Variants in TMC2 observed in about 807,000 individuals in gnomAD.
TMC2 encodes transmembrane channel-like protein 2.
A neutral mutation model predicts 105.9 loss-of-function variants in TMC2; 102 were observed. That is an observed-to-expected ratio of 0.96 (90% CI 0.82 to 1.14). The LOEUF is 1.14. Ranked by LOEUF, TMC2 falls within the 50% of genes most tolerant of loss-of-function variation. The probability of loss-of-function intolerance (pLI) is 0.00; values close to 1 mark genes in which losing one functional copy is unlikely to be tolerated. For missense variants in TMC2, 1,093 were observed against 1,134.3 expected, an observed-to-expected ratio of 0.96 and a Z score of 0.52; for synonymous variants, 402 against 422.8, an observed-to-expected ratio of 0.95 and a Z score of 0.60.
intron 2 of TMC2, among the ~76,000 whole-genome samples, chr20:2,554,601 T>A (rs527889483): frequency 6.6e-6 from 1 of 152,252 alleles, no homozygotes; most frequent in Non-Finnish European, 1.5e-5. Context: ...TAAGCACTGC[T>A]TTTGCTGCAT....
chr20:2,610,405 T>C lies in TMC2; in HGVS notation c.1414-14T>C, dbSNP rs1303322002. The C allele has an allele frequency of 5.0e-6, 8 of 1,602,982 alleles. No individual in the cohort carries two copies. Among genetic ancestry groups the C allele is most frequent in the African/African-American group, 4.0e-5 (3 of 74,428 alleles). On this transcript the variant is annotated splice_polypyrimidine_tract_variant and intron_variant, in intron 11 of 19. Coordinates refer to ENST00000358864, the MANE Select transcript of TMC2 (RefSeq NM_080751.3). The stretch of plus-strand genomic sequence containing the variant: ...AATGTTGATGACACAACGTAGGCTT[T>C]CCTGATTCCTCAGGTAGAGATCGTG...
chr20:2,537,136 G>A (rs913167686), intron 1 of TMC2, 133 bp from the exon 2 acceptor site: 21 of 762,214 alleles, frequency 2.8e-5, no homozygotes, highest in Non-Finnish European at 4.8e-5. Context: ...AATTTGCTGA[G>A]TAAAATCATT....
rs2086484233 is a variant in TMC2 at position 2,616,627 on chromosome 20, C to T, written c.1940+423C>T. 6.6e-6 allele frequency among the ~76,000 whole-genome samples: 1 copy of T among 151,586 alleles called. No individual in the cohort carries two copies. The highest frequency in any genetic ancestry group is 1.9e-4 in the East Asian group (1 of 5,196). On this transcript the variant is annotated intron_variant, in intron 15 of 19. Coordinates refer to ENST00000358864, the MANE Select transcript of TMC2 (RefSeq NM_080751.3). The surrounding 1 kb of genome is among the most constrained non-coding windows in gnomAD (Gnocchi z 4.8). ...GGAAGGTAAATGAACTATGGAACTC[C>T]CTCTTCTGAAAAGGGAGTTCAAGGA...
intron 10 of TMC2, among the ~76,000 whole-genome samples, chr20:2,601,746 A>T (rs6107026): frequency 0.082 from 12,439 of 152,166 alleles, 1,407 homozygotes; most frequent in African/African-American, 0.25. Flanking sequence ...AGGCTGAGGC[A>T]GGAGAATCAC....
chr20:2,642,836 G>T lies in TMC2; in HGVS notation c.*1485G>T, dbSNP rs190197535. Among the ~76,000 whole-genome samples, 4 of 152,236 alleles carry T rather than the reference G, an allele frequency of 2.6e-5. 1 individual carries two copies. The highest frequency in any genetic ancestry group is 2.6e-4 in the Admixed American group (4 of 15,284). On this transcript the variant is annotated 3_prime_UTR_variant, in exon 20 of 20. Coordinates refer to ENST00000358864, the MANE Select transcript of TMC2 (RefSeq NM_080751.3). ...CACCCATGTCTCTGAGTGTTCTAAA[G>T]AGAGTCAGCCACCTTAACCTCATCA...
In TMC2 at chr20:2,575,544, G is replaced by A. The variant is rs147811905; in HGVS notation, c.645+3275G>A. ...TTTTTATTGCAGTAAGAACACTTGAGATTTAGCTTTTTAACTAATTAAGTA... is the reference window on the plus strand; with the variant it reads ...TTTTTATTGCAGTAAGAACACTTGAAATTTAGCTTTTTAACTAATTAAGTA... On this transcript the variant is annotated intron_variant, in intron 5 of 19. Coordinates refer to ENST00000358864, the MANE Select transcript of TMC2 (RefSeq NM_080751.3). 3.9e-5 allele frequency among the ~76,000 whole-genome samples: 6 copies of A among 152,276 alleles called. No homozygotes were observed. The East Asian group carries it at 1.2e-3, about 29-fold the overall frequency.
chr20:2,540,675 A>G (rs1325407533), intron 2 of TMC2, among the ~76,000 whole-genome samples: 2 of 150,896 alleles, frequency 1.3e-5, no homozygotes, highest in African/African-American at 2.4e-5. Context: ...AAAAAAAAAG[A>G]CATGGAGATT....
intron 10 of TMC2, among the ~76,000 whole-genome samples, chr20:2,600,986 G>GAAAAAAAAAAA (rs55710696): frequency 5.5e-5 from 5 of 90,560 alleles, no homozygotes; most frequent in East Asian, 6.1e-4. Context: ...GACTGTCTCA[G>GAAAAAAAAAAA]AAAAAAAAAA....
intron 9 of TMC2, among the ~76,000 whole-genome samples, chr20:2,596,348 C>T (rs1394830876): frequency 6.6e-6 from 1 of 152,004 alleles, no homozygotes; most frequent in African/African-American, 2.4e-5. Context: ...AAAGTAGTAC[C>T]GGGCCGGGCG....
At chr20:2,605,790 T>A (rs1195308718) in intron 11 of TMC2, among the ~76,000 whole-genome samples, 1 of 152,166 alleles carries the variant, frequency 6.6e-6, no homozygotes, top group African/African-American at 2.4e-5. Context: ...AAGGTATGGG[T>A]GAACCTGATC....
chr20:2,607,128 A>G (rs2086400062), intron 11 of TMC2, among the ~76,000 whole-genome samples: 1 of 151,982 alleles, frequency 6.6e-6, no homozygotes, highest in Non-Finnish European at 1.5e-5. Flanking sequence ...ATGGGATTTG[A>G]CCTAGAAAAA....
At chr20:2,624,160 G>A (rs1302320326) in intron 16 of TMC2, 111 bp from the exon 17 acceptor site, 1 of 1,200,546 alleles carries the variant, frequency 8.3e-7, no homozygotes, top group Non-Finnish European at 1.2e-6. Context: ...GTTCTTCCAG[G>A]AAAGCAGTGG....
At chr20:2,636,941 C>A (rs2086651225) in intron 18 of TMC2, among the ~76,000 whole-genome samples, 1 of 152,154 alleles carries the variant, frequency 6.6e-6, no homozygotes, top group South Asian at 2.1e-4. Flanking sequence ...TGGGCTCCTG[C>A]CCAGGTACAG....
At chr20:2,537,987 C>G (rs530187211) in intron 2 of TMC2, among the ~76,000 whole-genome samples, 26 of 152,200 alleles carry the variant, frequency 1.7e-4, no homozygotes, top group Non-Finnish European at 3.4e-4. Flanking sequence ...GGCAAGAAAC[C>G]AGAATCTTGG....
chr20:2,601,839 A>C (rs1172804954), intron 10 of TMC2, among the ~76,000 whole-genome samples: 2 of 152,154 alleles, frequency 1.3e-5, no homozygotes, highest in African/African-American at 2.4e-5. Flanking sequence ...CTCAAAAAAG[A>C]AAAAAAGAGG....
At chr20:2,561,229 G>A (rs1341828209) in intron 3 of TMC2, among the ~76,000 whole-genome samples, 1 of 152,160 alleles carries the variant, frequency 6.6e-6, no homozygotes. Flanking sequence ...AAATATCAAA[G>A]GAAAACCATA....
intron 2 of TMC2, among the ~76,000 whole-genome samples, chr20:2,547,030 G>GTA (rs947182071): frequency 3.3e-5 from 5 of 152,058 alleles, no homozygotes; most frequent in African/African-American, 1.2e-4. Flanking sequence ...AAATCTTGAA[G>GTA]TATAACATAT....
At position 2,604,016 on chromosome 20, in the gene TMC2, G is replaced by A. The variant is rs185657205; in HGVS notation, c.1413+1715G>A. 1.9e-3 allele frequency among the ~76,000 whole-genome samples: 283 copies of A among 152,280 alleles called. 5 individuals carry two copies. Among genetic ancestry groups the A allele is most frequent in the African/African-American group, 6.4e-3 (264 of 41,538 alleles). On this transcript the variant is annotated intron_variant, in intron 11 of 19. Coordinates refer to ENST00000358864, the MANE Select transcript of TMC2 (RefSeq NM_080751.3). ...ATGTTCAACACACAGGCAGTAATAAGAGGGAGGTAACAAACCACAACGATG... is the reference window on the plus strand; with the variant it reads ...ATGTTCAACACACAGGCAGTAATAAAAGGGAGGTAACAAACCACAACGATG...
intron 12 of TMC2, 52 bp from the exon 13 acceptor site, chr20:2,612,139 G>T: frequency 6.6e-7 from 1 of 1,516,996 alleles, no homozygotes; most frequent in Non-Finnish European, 8.9e-7. Flanking sequence ...TATGGAAACA[G>T]TTGGACCATC....
Sources: gnomAD v4.1 joint callset for allele counts (sites outside exome capture counted in the v4.1 genomes callset) on GRCh38, gnomAD v4.1.1 for gene constraint, Gnocchi (gnomAD v3.1) non-coding constraint, MANE v1.5 for transcripts, NCBI Gene and HGNC (gene_info 2026-07-23, HGNC 2026-07-21) for gene names.